ADCY1: variants seen among roughly 807,000 people sequenced by gnomAD.
ADCY1 encodes adenylate cyclase 1, also known as adenylate cyclase type 1.
Under a neutral mutation model 105.4 loss-of-function variants are expected in ADCY1, and 28 were observed. The observed-to-expected ratio is 0.27, with a 90% CI of 0.20 to 0.36. ADCY1 has a LOEUF of 0.36. Among genes scored for constraint, ADCY1 ranks in the 10% least tolerant of loss-of-function variants. ADCY1 has a pLI of 1.00. For missense variants in ADCY1, 977 were observed against 1,434.2 expected (o/e 0.68, Z 5.15); for synonymous variants, 655 against 623.8 (o/e 1.05, Z -0.75).
Position 45,721,904 on chromosome 7 carries a change from A to G in ADCY1, c.*7909A>G, listed in dbSNP as rs1032540458. 3 of 398,492 alleles carry G rather than the reference A, an allele frequency of 7.5e-6. No homozygotes were observed. In the South Asian group the frequency reaches 3.8e-4, roughly 51 times the overall value. The allele number at this position is 398,492 out of a possible 1,614,324, so 24.7% of individuals were successfully genotyped here. On this transcript the variant is annotated 3_prime_UTR_variant, in exon 20 of 20. Transcript: ENST00000297323. Reference sequence around the variant, plus strand: ...ATTGAGAATTAATGTTTAAACAGACATAATAGCCTAGATGAACTCCCAAGA... The same window carrying G: ...ATTGAGAATTAATGTTTAAACAGACGTAATAGCCTAGATGAACTCCCAAGA...
intron 1 of ADCY1, among the ~76,000 whole-genome samples, chr7:45,579,475 C>T (rs1467805722): frequency 6.6e-6 from 1 of 152,156 alleles, no homozygotes; most frequent in African/African-American, 2.4e-5. Flanking sequence ...CCCCTACTCC[C>T]CCACGGACCC....
intron 1 of ADCY1, among the ~76,000 whole-genome samples, chr7:45,590,684 A>G (rs1251575269): frequency 6.6e-6 from 1 of 151,836 alleles, no homozygotes; most frequent in Non-Finnish European, 1.5e-5. Flanking sequence ...GGTCCCATGG[A>G]GATCTTCAGG....
At chr7:45,694,940 C>T (rs1377285796) in intron 14 of ADCY1, among the ~76,000 whole-genome samples, 1 of 152,236 alleles carries the variant, frequency 6.6e-6, no homozygotes, top group Non-Finnish European at 1.5e-5. Context: ...CTTTCTCTAG[C>T]CTTTGCTAAT....
chr7:45,582,800 CAG>C (rs1202903499), intron 1 of ADCY1, among the ~76,000 whole-genome samples: 2 of 152,196 alleles, frequency 1.3e-5, no homozygotes, highest in African/African-American at 4.8e-5. Context: ...CTCTGCCGTG[CAG>C]AGATGCCAGC....
intron 2 of ADCY1, among the ~76,000 whole-genome samples, chr7:45,604,345 A>G (rs1793320646): frequency 6.6e-6 from 1 of 152,140 alleles, no homozygotes; most frequent in Non-Finnish European, 1.5e-5. Context: ...GAGAGCAAAT[A>G]TTTTTAATAT....
intron 14 of ADCY1, among the ~76,000 whole-genome samples, chr7:45,692,467 AC>A: frequency 6.6e-6 from 1 of 152,164 alleles, no homozygotes; most frequent in East Asian, 1.9e-4. Flanking sequence ...CAGGACCCTG[AC>A]CCAGGTAGGT....
chr7:45,710,749 C>A lies in ADCY1; in HGVS notation c.3057+97C>A, dbSNP rs1785216154. ...CAGAATTGAATCCCCAGTCTACAGCCCGTAAGTGGCAGGGCAGAAAGAGCT... is the reference window on the plus strand; with the variant it reads ...CAGAATTGAATCCCCAGTCTACAGCACGTAAGTGGCAGGGCAGAAAGAGCT... On this transcript the variant is annotated intron_variant, in intron 19 of 19. Coordinates refer to ENST00000297323, the MANE Select transcript of ADCY1 (RefSeq NM_021116.4). The surrounding 1 kb of genome is among the most constrained non-coding windows in gnomAD (Gnocchi z 4.7). 6.9e-7 allele frequency: 1 copy of A among 1,445,340 alleles called. No homozygotes were observed. Among genetic ancestry groups the A allele is most frequent in the South Asian group, 1.4e-5 (1 of 70,290 alleles). The allele number at this position is 1,445,340 out of a possible 1,614,324, so 89.5% of individuals were successfully genotyped here. A position where few individuals can be genotyped will look rare whatever the true frequency, so the allele number is the denominator to read the frequency against.
chr7:45,658,494 G>T (rs1008854222), intron 6 of ADCY1, among the ~76,000 whole-genome samples: 1 of 152,130 alleles, frequency 6.6e-6, no homozygotes, highest in African/African-American at 2.4e-5. Context: ...TCTCGCAGTG[G>T]CTATCATGGC....
intron 4 of ADCY1, among the ~76,000 whole-genome samples, chr7:45,636,563 T>C (rs1349941614): frequency 6.6e-6 from 1 of 152,200 alleles, no homozygotes; most frequent in Non-Finnish European, 1.5e-5. Flanking sequence ...TGTTTGTTTT[T>C]GTTGGGACAG....
At position 45,710,673 on chromosome 7, in the gene ADCY1, C is replaced by A. The variant is rs1416451703; in HGVS notation, c.3057+21C>A. 6.2e-7 allele frequency: 1 copy of A among 1,603,204 alleles called. No homozygotes were observed. Among genetic ancestry groups the A allele is most frequent in the East Asian group, 2.2e-5 (1 of 44,550 alleles). On this transcript the variant is annotated intron_variant, in intron 19 of 19. Coordinates refer to ENST00000297323, the MANE Select transcript of ADCY1 (RefSeq NM_021116.4). This position sits in a 1 kb window ranked among gnomAD's most constrained non-coding sequence, Gnocchi z 4.7. ...TCCAGGTCAGTTCACCAAGAAACCC[C>A]TAAGGCATGGGTGCCCATTCTTCAG...
At chr7:45,650,846 G>A (rs549298043) in intron 5 of ADCY1, among the ~76,000 whole-genome samples, 11 of 152,258 alleles carry the variant, frequency 7.2e-5, no homozygotes, top group Middle Eastern at 3.4e-3. Flanking sequence ...GAAGCCCTGC[G>A]TCTACGCTCT....
chr7:45,719,931 A>T lies in ADCY1; in HGVS notation c.*5936A>T, dbSNP rs186693181. ...TACATCAGCACTGAAGTCCAGGGGC[A>T]TTGAGGCACTAACTAGGTTCCATTT... On this transcript the variant is annotated 3_prime_UTR_variant, in exon 20 of 20. Coordinates refer to ENST00000297323, the MANE Select transcript of ADCY1 (RefSeq NM_021116.4). 2 of 152,168 alleles carry T rather than the reference A, an allele frequency of 1.3e-5. No individual in the cohort carries two copies. The highest frequency in any genetic ancestry group is 4.8e-5 in the African/African-American group (2 of 41,498). The allele number at this position is 152,168 out of a possible 1,614,324, so 9.4% of individuals were successfully genotyped here.
At chr7:45,698,094 A>G (rs1233705278) in intron 14 of ADCY1, among the ~76,000 whole-genome samples, 4 of 152,148 alleles carry the variant, frequency 2.6e-5, no homozygotes, top group African/African-American at 9.7e-5. Context: ...GAAATACAAC[A>G]AGATGCTAAG....
chr7:45,595,330 TTG>T (rs1793043033), intron 2 of ADCY1, among the ~76,000 whole-genome samples: 1 of 151,822 alleles, frequency 6.6e-6, no homozygotes. Flanking sequence ...CCCAGGGGGG[TTG>T]GGGTTCTGAT....
chr7:45,657,622 A>C lies in ADCY1; in HGVS notation c.1149-105A>C, dbSNP rs532674680. 2.7e-5 allele frequency: 33 copies of C among 1,242,396 alleles called. No homozygotes were observed. The Admixed American group carries it at 6.8e-4, about 26-fold the overall frequency. 77.0% of individuals were successfully genotyped at this position (1,242,396 alleles called of 1,614,324 possible). ...GCTCAGGCCACATGCAGCAAGGACA[A>C]GACCCAGTTTCCCTGGTGCTCACAG... On this transcript the variant is annotated intron_variant, in intron 5 of 19. Transcript: ENST00000297323.
intron 7 of ADCY1, among the ~76,000 whole-genome samples, chr7:45,661,835 G>C (rs1795115066): frequency 6.6e-6 from 1 of 152,170 alleles, no homozygotes; most frequent in Non-Finnish European, 1.5e-5. Flanking sequence ...GAGGCCTTTG[G>C]TGCGGATTGA....
In ADCY1 at chr7:45,708,346, C is replaced by T. The variant is rs1435856002; in HGVS notation, c.2818-4C>T. 3 of 1,611,908 alleles carry T rather than the reference C, an allele frequency of 1.9e-6. No individual in the cohort carries two copies. Among genetic ancestry groups the T allele is most frequent in the Admixed American group, 3.3e-5 (2 of 60,010 alleles). ...ATGTAATGACCCCATCTGTTTACACCTAGGCTAAGAAGTCCATCTCCTCCC... is the reference window on the plus strand; with the variant it reads ...ATGTAATGACCCCATCTGTTTACACTTAGGCTAAGAAGTCCATCTCCTCCC... On this transcript the variant is annotated splice_polypyrimidine_tract_variant and splice_region_variant and intron_variant, in intron 17 of 19. Transcript: ENST00000297323. This position sits in a 1 kb window ranked among gnomAD's most constrained non-coding sequence, Gnocchi z 4.7.
In ADCY1 at chr7:45,696,164, C is replaced by T. The variant is rs138556353; in HGVS notation, c.2455-7212C>T. On this transcript the variant is annotated intron_variant, in intron 14 of 19. Coordinates refer to ENST00000297323, the MANE Select transcript of ADCY1 (RefSeq NM_021116.4). ...TGAAAAATCCAGATTTTCGGCCGGG[C>T]GCCGTGGCTCATGCCTGTAATCCCA... 4.8e-3 allele frequency among the ~76,000 whole-genome samples: 716 copies of T among 149,610 alleles called. 5 individuals are homozygous for T. The highest frequency in any genetic ancestry group is 0.016 in the African/African-American group (676 of 41,374).
In ADCY1 at chr7:45,575,789, C is replaced by T. The variant is rs917886252; in HGVS notation, c.639+607C>T. On this transcript the variant is annotated intron_variant, in intron 1 of 19. Transcript: ENST00000297323. This position sits in a 1 kb window ranked among gnomAD's most constrained non-coding sequence, Gnocchi z 4.7. ...AGGTCAAACACAGTCTAGTCCCTGC[C>T]GCTGCCACTCGGCGGTTGCCCTGAC... Among the ~76,000 whole-genome samples, 3 of 152,262 alleles carry T rather than the reference C, an allele frequency of 2.0e-5. No homozygotes were observed. Among genetic ancestry groups the T allele is most frequent in the African/African-American group, 7.2e-5 (3 of 41,468 alleles).
Sources: gnomAD v4.1 joint callset for allele counts (sites outside exome capture counted in the v4.1 genomes callset) on GRCh38, gnomAD v4.1.1 for gene constraint, Gnocchi (gnomAD v3.1) non-coding constraint, MANE v1.5 for transcripts, NCBI Gene and HGNC (gene_info 2026-07-23, HGNC 2026-07-21) for gene names.